TMEM74: variants seen among roughly 807,000 people sequenced by gnomAD.
TMEM74 encodes the protein transmembrane protein 74.
A neutral mutation model predicts 18.1 loss-of-function variants in TMEM74; 13 were observed. The ratio of observed to expected loss-of-function variants is 0.72; its 90% CI spans 0.47 to 1.14. The LOEUF is 1.14. Ranked by LOEUF, TMEM74 falls within the 50% of genes most tolerant of loss-of-function variation. The pLI, the probability that TMEM74 is intolerant of heterozygous loss-of-function variation, is 0.00. For synonymous variants in TMEM74, 159 were observed against 146.6 expected (o/e 1.08, Z -0.61); for missense variants, 372 against 375.9 (o/e 0.99, Z 0.09).
At chr8:108,675,463 C>A (rs552175264) in intron 1 of TMEM74, among the ~76,000 whole-genome samples, 4 of 152,128 alleles carry the variant, frequency 2.6e-5, no homozygotes, top group Non-Finnish European at 5.9e-5. Context: ...AACAGGAAAC[C>A]CTCTTAACTG....
downstream of TMEM74, among the ~76,000 whole-genome samples, chr8:108,776,437 G>A (rs1358273977): frequency 6.6e-6 from 1 of 152,200 alleles, no homozygotes; most frequent in Non-Finnish European, 1.5e-5. Flanking sequence ...AGGTTGCAGT[G>A]AGCCAAGATC....
chr8:108,690,395 T>G lies in TMEM74; in HGVS notation n.120-34958A>C, dbSNP rs569838430. On this transcript the variant is annotated intron_variant and non_coding_transcript_variant, in intron 1 of 3. Transcript: ENST00000518838. The stretch of plus-strand genomic sequence containing the variant: ...ATACTGTTTTTTTTTGTTTGTTTTT[T>G]TTTAGTCCCCCAGTGTTCTCTTCCC... Among the ~76,000 whole-genome samples the G allele has an allele frequency of 6.6e-5, 10 of 152,270 alleles. 2 individuals are homozygous for G. The highest frequency in any genetic ancestry group is 2.2e-4 in the African/African-American group (9 of 41,544).
chr8:108,741,494 C>T (rs1483273039), intron 1 of TMEM74, among the ~76,000 whole-genome samples: 3 of 152,176 alleles, frequency 2.0e-5, no homozygotes, highest in African/African-American at 4.8e-5. Context: ...CCATGGTTTA[C>T]ACCTGGCATA....
At chr8:108,683,920 A>G (rs73305811) in intron 1 of TMEM74, among the ~76,000 whole-genome samples, 3,131 of 152,192 alleles carry the variant, frequency 0.021, 119 homozygotes, top group African/African-American at 0.072. Context: ...TGCTGCTGCA[A>G]GTGACAGAAT....
intron 1 of TMEM74, among the ~76,000 whole-genome samples, chr8:108,756,691 AGAAAGAAG>A (rs1359200398): frequency 0.014 from 1,489 of 107,204 alleles, 77 homozygotes; most frequent in African/African-American, 0.061. Flanking sequence ...AAAGAAAGAA[AGAAAGAAG>A]GAAGGAAAGA....
chr8:108,787,188 G>T (rs1814397807), intron 1 of TMEM74, among the ~76,000 whole-genome samples: 1 of 152,136 alleles, frequency 6.6e-6, no homozygotes. Context: ...ACTGACACAG[G>T]CAAGGCTGAT....
intron 2 of TMEM74, among the ~76,000 whole-genome samples, chr8:108,612,007 G>A (rs1812339017): frequency 6.6e-6 from 1 of 152,088 alleles, no homozygotes; most frequent in Non-Finnish European, 1.5e-5. Flanking sequence ...AGCAAAAGGA[G>A]GAGAGTCCCT....
At position 108,724,182 on chromosome 8, in the gene TMEM74, A is replaced by G. The variant is rs534709707; in HGVS notation, n.119+63294T>C. On this transcript the variant is annotated intron_variant and non_coding_transcript_variant, in intron 1 of 3. Transcript: ENST00000518838. Reference sequence around the variant, plus strand: ...AGAGTTCAATTATCCTATTTTCTCAATAATCCTTCCCAATCTTCCCCCTCC... The same window carrying G: ...AGAGTTCAATTATCCTATTTTCTCAGTAATCCTTCCCAATCTTCCCCCTCC... Among the ~76,000 whole-genome samples, 11 of 152,284 alleles carry G rather than the reference A, an allele frequency of 7.2e-5. No homozygotes were observed. The South Asian group carries it at 1.5e-3, about 20-fold the overall frequency.
At position 108,718,113 on chromosome 8, in the gene TMEM74, T is replaced by C. The variant is rs563538551; in HGVS notation, n.120-62676A>G. ...AGCTGGGACTACAGGCGCCCGCCAC[T>C]ACGCCCGGCTAATTTTTTGTATTTT... On this transcript the variant is annotated intron_variant and non_coding_transcript_variant, in intron 1 of 3. Coordinates refer to the TMEM74 transcript ENST00000518838. 3.2e-3 allele frequency among the ~76,000 whole-genome samples: 346 copies of C among 109,624 alleles called. 62 individuals are homozygous for C. The highest frequency in any genetic ancestry group is 4.1e-3 in the African/African-American group (74 of 18,148). The allele number at this position is 109,624 out of a possible 152,430, so 71.9% of individuals were successfully genotyped here.
intron 1 of TMEM74, among the ~76,000 whole-genome samples, chr8:108,771,165 C>T (rs184244644): frequency 1.3e-3 from 202 of 152,252 alleles, no homozygotes; most frequent in African/African-American, 4.4e-3. Context: ...AAGTTTTTCA[C>T]TGTCATAGCA....
chr8:108,643,086 G>A (rs920144367), intron 2 of TMEM74, among the ~76,000 whole-genome samples: 1 of 152,152 alleles, frequency 6.6e-6, no homozygotes, highest in South Asian at 2.1e-4. Context: ...GAAATTTGCA[G>A]TCTAATGGAG....
At chr8:108,648,605 CA>C (rs1414625188) in intron 2 of TMEM74, among the ~76,000 whole-genome samples, 1 of 151,966 alleles carries the variant, frequency 6.6e-6, no homozygotes, top group Admixed American at 6.6e-5. Flanking sequence ...GACTCAGAGT[CA>C]GAGAAGATGG....
intron 1 of TMEM74, among the ~76,000 whole-genome samples, chr8:108,730,247 G>A (rs900133027): frequency 2.0e-5 from 3 of 152,174 alleles, no homozygotes; most frequent in African/African-American, 7.2e-5. Flanking sequence ...GGCAGGCTGG[G>A]CTGTGGCCAG....
intron 1 of TMEM74, among the ~76,000 whole-genome samples, chr8:108,724,639 T>G (rs1813615660): frequency 6.6e-6 from 1 of 152,212 alleles, no homozygotes; most frequent in South Asian, 2.1e-4. Flanking sequence ...AATGAGTTTA[T>G]TGATATTTTA....
intron 1 of TMEM74, among the ~76,000 whole-genome samples, chr8:108,764,749 C>T (rs1814083692): frequency 6.6e-6 from 1 of 152,168 alleles, no homozygotes; most frequent in Non-Finnish European, 1.5e-5. Context: ...GATAGCTCTT[C>T]TTCCAGCTCA....
At chr8:108,738,781 A>C (rs960465131) in intron 1 of TMEM74, among the ~76,000 whole-genome samples, 1 of 152,204 alleles carries the variant, frequency 6.6e-6, no homozygotes, top group African/African-American at 2.4e-5. Flanking sequence ...TTTTATGTTA[A>C]TGAAGTCTAG....
intron 1 of TMEM74, among the ~76,000 whole-genome samples, chr8:108,770,632 G>A (rs114981445): frequency 0.011 from 1,621 of 152,082 alleles, 27 homozygotes; most frequent in African/African-American, 0.038. Context: ...TTCCTCAGTC[G>A]GCTTATTCAA....
intron 1 of TMEM74, among the ~76,000 whole-genome samples, chr8:108,678,666 G>T (rs757771913): frequency 2.7e-5 from 4 of 148,532 alleles, no homozygotes; most frequent in African/African-American, 9.9e-5. Flanking sequence ...ATTTGCTTAG[G>T]TTCTCTTTTT....
intron 1 of TMEM74, among the ~76,000 whole-genome samples, chr8:108,756,548 A>AAAGAAAG (rs1813961395): frequency 2.2e-5 from 1 of 44,952 alleles, no homozygotes; most frequent in Non-Finnish European, 3.8e-5. Context: ...CACTGTAAAG[A>AAAGAAAG]AAAGAAAGAA....
Sources: allele counts gnomAD v4.1 joint callset (sites outside exome capture counted in the v4.1 genomes callset), GRCh38; gene constraint gnomAD v4.1.1; transcripts MANE v1.5; gene names NCBI Gene and HGNC (gene_info 2026-07-23, HGNC 2026-07-21).